Variants in SRP68 observed in about 807,000 individuals in gnomAD.
The protein encoded by SRP68 is signal recognition particle subunit SRP68.
SRP68 carries 15 observed loss-of-function variants against 82.2 expected under a neutral mutation model. That is an observed-to-expected ratio of 0.18 (90% CI 0.12 to 0.28). The LOEUF (loss-of-function observed/expected upper bound fraction) is 0.28, where lower values mean the gene tolerates loss of function less well. SRP68 is among the 10% of genes least tolerant of loss of function. The pLI is 1.00. For synonymous variants in SRP68, 261 were observed against 292.6 expected (o/e 0.89, Z 1.10); for missense variants, 595 against 780.5 (o/e 0.76, Z 2.83).
intron 1 of SRP68, 25 bp from the exon 2 acceptor site, chr17:76,070,469 T>C (rs1412603982): frequency 1.9e-6 from 3 of 1,595,606 alleles, no homozygotes; most frequent in African/African-American, 1.3e-5. Flanking sequence ...AAGGAAAATC[T>C]TACCATAGCA....
At position 76,070,229 on chromosome 17, in the gene SRP68, A is replaced by AAAAC. The variant is rs1188448897; in HGVS notation, c.251+148_251+149insGTTT. On this transcript the variant is annotated intron_variant, in intron 2 of 15. Coordinates refer to ENST00000307877, the MANE Select transcript of SRP68 (RefSeq NM_014230.4). The stretch of plus-strand genomic sequence containing the variant: ...CAGAGCGAGACTCCATCTCAAAAAA[A>AAAAC]AAAAAAAAAACAAAGCAAACAAACA... The AAAAC allele has an allele frequency of 7.3e-5, 50 of 689,168 alleles. 1 individual carries two copies. Among genetic ancestry groups the AAAAC allele is most frequent in the Non-Finnish European group, 1.1e-4 (47 of 419,798 alleles). The allele number at this position is 689,168 out of a possible 1,614,324, so 42.7% of individuals were successfully genotyped here. A position where few individuals can be genotyped will look rare whatever the true frequency, so the allele number is the denominator to read the frequency against.
At chr17:76,064,226 TTC>T in intron 3 of SRP68, 55 bp from the exon 4 acceptor site, 1 of 1,498,756 alleles carries the variant, frequency 6.7e-7, no homozygotes. Flanking sequence ...GACCCAGATA[TTC>T]TCTGAGGTGT....
intron 4 of SRP68, among the ~76,000 whole-genome samples, chr17:76,062,845 A>G (rs1441218486): frequency 2.9e-5 from 4 of 138,416 alleles, no homozygotes; most frequent in Non-Finnish European, 4.5e-5. Context: ...ATCTCAGCTC[A>G]CTGCAAGCTC....
At position 76,072,150 on chromosome 17, in the gene SRP68, C is replaced by A. The variant is rs576575690; in HGVS notation, c.184+158G>T. On this transcript the variant is annotated intron_variant, in intron 1 of 15. Coordinates refer to ENST00000307877, the MANE Select transcript of SRP68 (RefSeq NM_014230.4). The surrounding 1 kb of genome is among the most constrained non-coding windows in gnomAD (Gnocchi z 4.5). ...AGGAAAGACTAGTCGAGAGACAGAC[C>A]CCCCCCGGAATTCTGAGCACCAAAA... 7.1e-6 allele frequency: 10 copies of A among 1,400,800 alleles called. No individual in the cohort carries two copies. The highest frequency in any genetic ancestry group is 9.6e-6 in the Non-Finnish European group (10 of 1,038,174). The allele number at this position is 1,400,800 out of a possible 1,614,324, so 86.8% of individuals were successfully genotyped here. A position where few individuals can be genotyped will look rare whatever the true frequency, so the allele number is the denominator to read the frequency against.
At chr17:76,055,807 CTTTTTTTTT>C (rs1032113845) in intron 8 of SRP68, among the ~76,000 whole-genome samples, 3 of 106,568 alleles carry the variant, frequency 2.8e-5, no homozygotes, top group African/African-American at 1.2e-4. Context: ...TTTTTTTCTT[CTTTTTTTTT>C]TTTTTTTTTT....
intron 9 of SRP68, chr17:76,049,364 G>A (rs931669153): frequency 6.6e-6 from 1 of 152,244 alleles, no homozygotes; most frequent in Non-Finnish European, 1.5e-5. Context: ...CTATGAGCTG[G>A]ACCTTGAAAA....
In SRP68 at chr17:76,041,167, C is replaced by T. The variant is rs80026402; in HGVS notation, c.1525-189G>A. The T allele has an allele frequency of 7.6e-4, 374 of 489,572 alleles. 1 individual carries two copies. Among genetic ancestry groups the T allele is most frequent in the African/African-American group, 6.4e-3 (324 of 51,002 alleles). 30.3% of individuals were successfully genotyped at this position (489,572 alleles called of 1,614,324 possible). A position where few individuals can be genotyped will look rare whatever the true frequency, so the allele number is the denominator to read the frequency against. On this transcript the variant is annotated intron_variant, in intron 13 of 15. Coordinates refer to ENST00000307877, the MANE Select transcript of SRP68 (RefSeq NM_014230.4). ...GTTTCAAATGGGAAAAGCTATGCCACGGCTTAAGTAATAATGCCTGGAAAT... is the reference window on the plus strand; with the variant it reads ...GTTTCAAATGGGAAAAGCTATGCCATGGCTTAAGTAATAATGCCTGGAAAT...
chr17:76,040,710 G>A, intron 14 of SRP68, 193 bp downstream of exon 14: 1 of 658,334 alleles, frequency 1.5e-6, no homozygotes, highest in Non-Finnish European at 2.7e-6. Flanking sequence ...CAGGGAGAAG[G>A]GCCAGTGTAA....
intron 11 of SRP68, 129 bp from the exon 12 acceptor site, chr17:76,045,515 G>C (rs1276599055): frequency 1.5e-6 from 1 of 656,418 alleles, no homozygotes; most frequent in South Asian, 1.9e-5. Flanking sequence ...ATGGGGAAAA[G>C]CCTGTGAAGA....
chr17:76,051,554 C>G (rs2066672451), intron 8 of SRP68, among the ~76,000 whole-genome samples: 1 of 152,136 alleles, frequency 6.6e-6, no homozygotes, highest in South Asian at 2.1e-4. Flanking sequence ...TAAAGAAAAA[C>G]CCTTTTTCTT....
At position 76,062,503 on chromosome 17, in the gene SRP68, A is replaced by ATATATAATATACATTATATAT. The variant is rs1186104794; in HGVS notation, c.562-950_562-930dup. 4.3e-4 allele frequency among the ~76,000 whole-genome samples: 34 copies of ATATATAATATACATTATATAT among 79,638 alleles called. 7 individuals carry two copies. Among genetic ancestry groups the ATATATAATATACATTATATAT allele is most frequent in the Non-Finnish European group, 5.9e-4 (26 of 44,352 alleles). The allele number at this position is 79,638 out of a possible 152,430, so 52.2% of individuals were successfully genotyped here. A position where few individuals can be genotyped will look rare whatever the true frequency, so the allele number is the denominator to read the frequency against. ...ATATGGAGATATATATATATAATAT[A>ATATATAATATACATTATATAT]TATATAATATACATTATATATTATA... On this transcript the variant is annotated intron_variant, in intron 4 of 15. Transcript: ENST00000307877.
intron 8 of SRP68, among the ~76,000 whole-genome samples, chr17:76,056,222 C>T (rs553530945): frequency 3.3e-5 from 5 of 152,116 alleles, no homozygotes; most frequent in Non-Finnish European, 7.3e-5. Flanking sequence ...CTATGGATCT[C>T]TCTCCCCCAA....
chr17:76,043,120 C>T (rs1228552730), intron 13 of SRP68, among the ~76,000 whole-genome samples: 1 of 151,922 alleles, frequency 6.6e-6, no homozygotes, highest in Non-Finnish European at 1.5e-5. Context: ...AAAAATTGGC[C>T]TGGTATGGTG....
intron 8 of SRP68, among the ~76,000 whole-genome samples, chr17:76,056,868 T>C (rs1226055522): frequency 1.3e-5 from 2 of 152,236 alleles, no homozygotes; most frequent in Non-Finnish European, 2.9e-5. Context: ...GGATGTCTTA[T>C]CTTTTAGGAC....
chr17:76,071,368 A>G lies in SRP68; in HGVS notation c.185-924T>C, dbSNP rs559613067. Among the ~76,000 whole-genome samples, 39 of 152,334 alleles carry G rather than the reference A, an allele frequency of 2.6e-4. 1 individual carries two copies. The South Asian group carries it at 8.1e-3, about 32-fold the overall frequency. ...TATTTAAGATTATGTACTAATCTTT[A>G]GAAAGTCCAATGACCTTCATCTATA... On this transcript the variant is annotated intron_variant, in intron 1 of 15. Transcript: ENST00000307877. The surrounding 1 kb of genome is among the most constrained non-coding windows in gnomAD (Gnocchi z 4.7).
intron 2 of SRP68, among the ~76,000 whole-genome samples, chr17:76,068,881 G>A (rs1259448535): frequency 1.3e-5 from 2 of 152,034 alleles, no homozygotes; most frequent in Non-Finnish European, 2.9e-5. Context: ...TGGCACTATG[G>A]CATGTGCCAC....
In SRP68 at chr17:76,039,897, G is replaced by T. The variant is rs376006756; in HGVS notation, c.1693C>A (p.Pro565Thr). 2.5e-6 allele frequency: 4 copies of T among 1,614,106 alleles called. No homozygotes were observed. In the East Asian group the frequency reaches 8.9e-5, roughly 36 times the overall value. ...TTGGCTTGCTTGGTGACAAGGGAAGGGTCCAGGCAGAATGTCTCAAACCGT... is the reference window on the plus strand; with the variant it reads ...TTGGCTTGCTTGGTGACAAGGGAAGTGTCCAGGCAGAATGTCTCAAACCGT... The part of the protein sequence containing the change: ...VERFETFCLD[P>T]SLVTKQANLV... Residue 565 changes from proline to threonine, a missense_variant, in exon 16 of 16, where the codon CCT becomes ACT. This residue lies in a region of SRP68 where 495 missense variants were observed against 688.6 expected (regional missense o/e 0.72). Coordinates refer to ENST00000307877, the MANE Select transcript of SRP68 (RefSeq NM_014230.4).
At chr17:76,059,098 A>T (rs1390986043) in intron 7 of SRP68, among the ~76,000 whole-genome samples, 7 of 152,150 alleles carry the variant, frequency 4.6e-5, no homozygotes, top group Non-Finnish European at 1.0e-4. Context: ...AACAAAAAAA[A>T]GTTAGCTAGG....
At position 76,046,123 on chromosome 17, in the gene SRP68, G is replaced by A. The variant is rs753288281; in HGVS notation, c.1214C>T (p.Ala405Val). ...NENMAKGLQR[A>V]LLQQQPEDDS... ...ATCCTCTGGCTGCTGCTGCAGCAGA[G>A]CCCTCTGCAGACCTTTGGCCATGTT... The change falls in exon 11 of 16, where the codon GCT becomes GTT. Residue 405 changes from alanine (A) to valine (V), a missense_variant. Physicochemically the swap from Ala to Val is moderately conservative, Grantham distance 64 (BLOSUM62 0). Transcript: ENST00000307877. The A allele has an allele frequency of 3.1e-6, 5 of 1,613,826 alleles. No homozygotes were observed. In the African/African-American group the frequency reaches 6.7e-5, roughly 22 times the overall value.
Sources: gnomAD v4.1 joint callset for allele counts (sites outside exome capture counted in the v4.1 genomes callset) on GRCh38, gnomAD v4.1.1 for gene constraint, gnomAD v4.1.1 regional missense constraint, Gnocchi (gnomAD v3.1) non-coding constraint, MANE v1.5 for transcripts, NCBI Gene and HGNC (gene_info 2026-07-23, HGNC 2026-07-21) for gene names.